Variants in CLIP4 observed in about 807,000 individuals in gnomAD.
The protein encoded by CLIP4 is CAP-Gly domain-containing linker protein 4.
A neutral mutation model predicts 73.1 loss-of-function variants in CLIP4; 47 were observed. The observed-to-expected ratio is 0.64, with a 90% CI of 0.51 to 0.82. The LOEUF is 0.82. CLIP4 is among the 40% of genes least tolerant of loss of function. CLIP4 has a pLI of 0.00. For missense variants in CLIP4, 874 were observed against 852.9 expected, an observed-to-expected ratio of 1.02 and a Z score of -0.31; for synonymous variants, 306 against 295.4, an observed-to-expected ratio of 1.04 and a Z score of -0.37.
chr2:29,137,138 A>G (rs1665423456), intron 6 of CLIP4, among the ~76,000 whole-genome samples: 1 of 152,052 alleles, frequency 6.6e-6, no homozygotes, highest in Non-Finnish European at 1.5e-5. Flanking sequence ...TCACCCAAAC[A>G]GTGAACATAC....
chr2:29,149,055 A>G (rs1666363584), intron 8 of CLIP4, among the ~76,000 whole-genome samples: 2 of 152,210 alleles, frequency 1.3e-5, no homozygotes, highest in South Asian at 2.1e-4. Flanking sequence ...AAGGGGCCGC[A>G]TGGTAAATGT....
chr2:29,164,920 A>G (rs2148067258), intron 13 of CLIP4, among the ~76,000 whole-genome samples: 1 of 152,356 alleles, frequency 6.6e-6, no homozygotes, highest in Admixed American at 6.5e-5. Flanking sequence ...TAGTTTATAA[A>G]GTATTTTCAC....
chr2:29,141,676 G>T (rs1247840647), intron 6 of CLIP4, among the ~76,000 whole-genome samples: 2 of 152,028 alleles, frequency 1.3e-5, no homozygotes, highest in Non-Finnish European at 1.5e-5. Context: ...TCTCTCTCCA[G>T]CCTTTTACTT....
At chr2:29,149,433 T>C (rs13006438) in intron 8 of CLIP4, among the ~76,000 whole-genome samples, 4,576 of 146,634 alleles carry the variant, frequency 0.031, 102 homozygotes, top group Middle Eastern at 0.052. Context: ...TTCTTTAGAG[T>C]TCATACCATT....
At chr2:29,100,332 GA>G in intron 1 of CLIP4, among the ~76,000 whole-genome samples, 1 of 151,758 alleles carries the variant, frequency 6.6e-6, no homozygotes, top group Non-Finnish European at 1.5e-5. Context: ...TCAGGGTTTG[GA>G]AAAAAATATG....
In CLIP4 at chr2:29,152,676, C is replaced by T; in HGVS notation, c.1022-9C>T. On this transcript the variant is annotated splice_polypyrimidine_tract_variant and intron_variant, in intron 8 of 15. Coordinates refer to ENST00000320081, the MANE Select transcript of CLIP4 (RefSeq NM_024692.6). ...TTGTTTAACACTAAAATTCTGCATTCTCCCTTAGGTATTTTTGCACCTCTT... is the reference window on the plus strand; with the variant it reads ...TTGTTTAACACTAAAATTCTGCATTTTCCCTTAGGTATTTTTGCACCTCTT... 2 of 1,610,200 alleles carry T rather than the reference C, an allele frequency of 1.2e-6. No homozygotes were observed. The highest frequency in any genetic ancestry group is 1.7e-6 in the Non-Finnish European group (2 of 1,178,488).
intron 1 of CLIP4, among the ~76,000 whole-genome samples, chr2:29,104,432 C>T (rs189918037): frequency 3.2e-3 from 489 of 152,032 alleles, no homozygotes; most frequent in African/African-American, 0.011. Flanking sequence ...CATGCCACCA[C>T]GCCCAGCTAA....
intron 1 of CLIP4, among the ~76,000 whole-genome samples, chr2:29,098,684 T>G (rs1416728015): frequency 6.6e-6 from 1 of 152,230 alleles, no homozygotes; most frequent in Non-Finnish European, 1.5e-5. Flanking sequence ...CACGTATCGG[T>G]TCTCGTGTGG....
rs1389692243 is a variant in CLIP4 at position 29,182,014 on chromosome 2, A to G, written c.*121A>G. 5.3e-6 allele frequency: 4 copies of G among 761,378 alleles called. No individual in the cohort carries two copies. Among genetic ancestry groups the G allele is most frequent in the Admixed American group, 3.2e-5 (1 of 31,142 alleles). 47.2% of individuals were successfully genotyped at this position (761,378 alleles called of 1,614,324 possible). ...TGAAAATATAGTTATCTTCTTAAAA[A>G]CCATTATAACAATTCAGAGAGAGTT... On this transcript the variant is annotated 3_prime_UTR_variant, in exon 16 of 16. Coordinates refer to ENST00000320081, the MANE Select transcript of CLIP4 (RefSeq NM_024692.6).
At chr2:29,117,320 T>C (rs1267312899) in intron 1 of CLIP4, among the ~76,000 whole-genome samples, 2 of 151,796 alleles carry the variant, frequency 1.3e-5, no homozygotes, top group Non-Finnish European at 2.9e-5. Flanking sequence ...CTTTTCCTTT[T>C]CTCTCTCTCT....
At chr2:29,168,875 T>C (rs968502434) in intron 14 of CLIP4, among the ~76,000 whole-genome samples, 2 of 152,160 alleles carry the variant, frequency 1.3e-5, no homozygotes, top group African/African-American at 4.8e-5. Context: ...TGAAGATATT[T>C]TCTTATATTG....
At chr2:29,165,897 CG>C (rs1473335612) in intron 13 of CLIP4, among the ~76,000 whole-genome samples, 1 of 151,624 alleles carries the variant, frequency 6.6e-6, no homozygotes, top group African/African-American at 2.4e-5. Flanking sequence ...CTGGAGCACA[CG>C]TTTTTTACTT....
chr2:29,147,741 A>G (rs917611899), intron 8 of CLIP4, among the ~76,000 whole-genome samples: 1 of 152,188 alleles, frequency 6.6e-6, no homozygotes, highest in Non-Finnish European at 1.5e-5. Context: ...AACATACACA[A>G]TAAATTGTTG....
Position 29,163,905 on chromosome 2 carries a change from A to C in CLIP4, c.1609A>C (p.Ser537Arg). ...TTCAGTTGGAGGTGTGCAGTATTTT[A>C]GCTGTTCTCCAAGATATGGAATATT... ...DGSVGGVQYF[S>R]CSPRYGIFAP... Residue 537 changes from serine (S) to arginine (R), a missense_variant, in exon 13 of 16, where the codon AGC (serine) becomes CGC (arginine). Physicochemically the swap from Ser to Arg is moderately radical, Grantham distance 110. Coordinates refer to ENST00000320081, the MANE Select transcript of CLIP4 (RefSeq NM_024692.6). The C allele has an allele frequency of 6.2e-7, 1 of 1,613,470 alleles. No homozygotes were observed. The highest frequency in any genetic ancestry group is 8.5e-7 in the Non-Finnish European group (1 of 1,179,446).
chr2:29,117,812 C>G (rs1302408985), intron 1 of CLIP4, among the ~76,000 whole-genome samples: 1 of 152,188 alleles, frequency 6.6e-6, no homozygotes, highest in African/African-American at 2.4e-5. Flanking sequence ...GGAATCAACA[C>G]TAGGCTGTAA....
intron 14 of CLIP4, 100 bp downstream of exon 14, chr2:29,167,640 CTGTATT>C (rs1667712773): frequency 7.8e-6 from 6 of 771,904 alleles, no homozygotes; most frequent in Non-Finnish European, 1.2e-5. Flanking sequence ...GGTCTATAAA[CTGTATT>C]TGTATAGTTT....
In CLIP4 at chr2:29,181,764, A is replaced by C; in HGVS notation, c.1989A>C (p.Gly663=). 6.2e-7 allele frequency: 1 copy of C among 1,614,144 alleles called. No individual in the cohort carries two copies. The highest frequency in any genetic ancestry group is 8.5e-7 in the Non-Finnish European group (1 of 1,180,028). The change falls in exon 16 of 16, where the codon GGA becomes GGC. Residue 663 remains glycine (G), a synonymous_variant. Coordinates refer to ENST00000320081, the MANE Select transcript of CLIP4 (RefSeq NM_024692.6). Reference sequence around the variant, plus strand: ...GACTTGAGCTCCGAAGCGCCAAGGGAAAAAATGATGGGTCAGTGGGTGACA... The same window carrying C: ...GACTTGAGCTCCGAAGCGCCAAGGGCAAAAATGATGGGTCAGTGGGTGACA... The part of the protein sequence containing the change: ...WLGLELRSAK[G]KNDGSVGDKR...
At chr2:29,125,717 G>A (rs1664559256) in intron 2 of CLIP4, among the ~76,000 whole-genome samples, 1 of 152,098 alleles carries the variant, frequency 6.6e-6, no homozygotes, top group East Asian at 1.9e-4. Flanking sequence ...AGAGATCACT[G>A]TCTTTCATTG....
At chr2:29,143,589 T>A (rs1665935088) in intron 6 of CLIP4, 120 bp from the exon 7 acceptor site, 2 of 721,110 alleles carry the variant, frequency 2.8e-6, no homozygotes, top group Admixed American at 4.6e-5. Context: ...GTTCAGGAAA[T>A]GTTTTTGAAT....
Sources: gnomAD v4.1 joint callset for allele counts (sites outside exome capture counted in the v4.1 genomes callset) on GRCh38, gnomAD v4.1.1 for gene constraint, MANE v1.5 for transcripts, NCBI Gene and HGNC (gene_info 2026-07-23, HGNC 2026-07-21) for gene names.